GHRL: variants seen among roughly 807,000 people sequenced by gnomAD.
GHRL encodes the protein ghrelin and obestatin prepropeptide.
In GHRL, 24 loss-of-function variants were observed where a neutral mutation model predicts 16.9. The observed-to-expected ratio is 1.42, with a 90% CI of 1.03 to 2.00. The LOEUF (loss-of-function observed/expected upper bound fraction) is 2.00. Ranked by LOEUF, GHRL falls within the 30% of genes most tolerant of loss-of-function variation. GHRL has a pLI of 0.00. For synonymous variants in GHRL, 63 were observed against 58.2 expected, an observed-to-expected ratio of 1.08 and a Z score of -0.37; for missense variants, 193 against 142.1, an observed-to-expected ratio of 1.36 and a Z score of -1.82.
At position 10,290,113 on chromosome 3, in the gene GHRL, G is replaced by A. The variant is rs1576073042; in HGVS notation, c.68C>T (p.Ala23Val). The A allele has an allele frequency of 6.8e-6, 11 of 1,613,148 alleles. No homozygotes were observed. Among genetic ancestry groups the A allele is most frequent in the Non-Finnish European group, 9.3e-6 (11 of 1,179,758 alleles). ...LGMLWLDLAMAGSSFLSPEHQ... is the reference protein window; with the variant it reads ...LGMLWLDLAMVGSSFLSPEHQ... ...TTCAGGGCTCAGGAAGCTGGAGCCT[G>A]CCATGGCCAAGTCCAGCCAGAGCAT... Residue 23 changes from alanine (A) to valine (V), a missense_variant, in exon 3 of 6, where the codon GCA (alanine) becomes GTA (valine). Coordinates refer to ENST00000335542, the MANE Select transcript of GHRL (RefSeq NM_016362.5).
Position 10,290,082 on chromosome 3 carries a change from C to T in GHRL, c.99G>A (p.Gln33=). 1 of 1,612,222 alleles carries T rather than the reference C, an allele frequency of 6.2e-7. No individual in the cohort carries two copies. The highest frequency in any genetic ancestry group is 8.5e-7 in the Non-Finnish European group (1 of 1,179,462). The change falls in exon 3 of 6, where the codon CAG becomes CAA. Residue 33 remains glutamine, a synonymous_variant. Transcript: ENST00000335542. The part of the protein sequence containing the change: ...AGSSFLSPEH[Q]RVQQRKESKK... ...TGTGGGGAGGTCTCACCTGGACTCTCTGGTGTTCAGGGCTCAGGAAGCTGG... is the reference window on the plus strand; with the variant it reads ...TGTGGGGAGGTCTCACCTGGACTCTTTGGTGTTCAGGGCTCAGGAAGCTGG...
In GHRL at chr3:10,289,874, C is replaced by T. The variant is rs909836290; in HGVS notation, c.113G>A (p.Arg38Lys). ...LSPEHQRVQQ[R>K]KESKKPPAKL... is the part of the protein sequence containing the mutation. ...GGCTGGTGGCTTCTTCGACTCCTTT[C>T]TCTGCTGGAAGGGGGAAACAGTCTG... The change falls in exon 4 of 6, where the codon AGA (arginine) becomes AAA (lysine). Residue 38 changes from arginine (R) to lysine (K), a missense_variant. Arg to Lys is a conservative substitution (Grantham distance 26). Coordinates refer to ENST00000335542, the MANE Select transcript of GHRL (RefSeq NM_016362.5). 1 of 1,611,186 alleles carries T rather than the reference C, an allele frequency of 6.2e-7. No homozygotes were observed. The highest frequency in any genetic ancestry group is 1.1e-5 in the South Asian group (1 of 90,886).
intron 2 of GHRL, 147 bp from the exon 3 acceptor site, chr3:10,290,356 C>T (rs1699806925): frequency 1.4e-6 from 1 of 705,650 alleles, no homozygotes; most frequent in Admixed American, 2.9e-5. Context: ...TTCCACCTCC[C>T]AAGGTAGAAG....
rs755548560 is a variant in GHRL, at chr3:10,290,206, G to A, written c.-26C>T. The A allele has an allele frequency of 1.4e-5, 22 of 1,596,716 alleles. No individual in the cohort carries two copies. Among genetic ancestry groups the A allele is most frequent in the East Asian group, 1.1e-4 (5 of 44,344 alleles). ...GGCCTCAGCTGGGTTGCAGACAGGT[G>A]GGCCTGGGGGAGAGAGGGTCTCCAG... On this transcript the variant is annotated 5_prime_UTR_variant, in exon 3 of 6. Coordinates refer to ENST00000335542, the MANE Select transcript of GHRL (RefSeq NM_016362.5).
In GHRL at chr3:10,288,483, CCT is replaced by C. The variant is rs558742741; in HGVS notation, c.225+1277_225+1278del. Among the ~76,000 whole-genome samples the C allele has an allele frequency of 1.3e-3, 196 of 152,364 alleles. 3 individuals are homozygous for C. The highest frequency in any genetic ancestry group is 2.9e-3 in the Admixed American group (44 of 15,308). On this transcript the variant is annotated intron_variant, in intron 4 of 5. Coordinates refer to ENST00000335542, the MANE Select transcript of GHRL (RefSeq NM_016362.5). The stretch of plus-strand genomic sequence containing the variant: ...CACCTTGCGTCGTCAGCCACCAAGA[CCT>C]CTTTCTCATCTGGGTACTGGGCAGC...
chr3:10,286,852 G>T, intron 4 of GHRL, 40 bp from the exon 5 acceptor site: 1 of 1,194,406 alleles, frequency 8.4e-7, no homozygotes, highest in Non-Finnish European at 1.2e-6. Flanking sequence ...GATGTCAGAG[G>T]TCATGCCCAT....
chr3:10,286,783 CT>C lies in GHRL; in HGVS notation c.254del (p.Lys85SerfsTer44). On this transcript the variant is annotated frameshift_variant, in exon 5 of 6. Coordinates refer to ENST00000335542, the MANE Select transcript of GHRL (RefSeq NM_016362.5). LOFTEE classifies it high-confidence loss of function. The part of the protein sequence containing the change: ...RFNAPFDVGI[K>X]LSGVQYQQHS... ...GCTGCTGGTACTGAACCCCTGACAGCTTGATTCCAACATCAAAGGGGGCGTT... is the reference window on the plus strand; with the variant it reads ...GCTGCTGGTACTGAACCCCTGACAGCTGATTCCAACATCAAAGGGGGCGTT... 6.2e-7 allele frequency: 1 copy of C among 1,612,858 alleles called. No homozygotes were observed. The highest frequency in any genetic ancestry group is 1.3e-5 in the African/African-American group (1 of 75,024).
rs535675510 is a variant in GHRL, at chr3:10,291,455, G to C, written c.-765-4C>G. On this transcript the variant is annotated splice_region_variant and splice_polypyrimidine_tract_variant and intron_variant, in intron 1 of 5. Transcript: ENST00000335542. The stretch of plus-strand genomic sequence containing the variant: ...CTGAGAGGGAAGTGCATTGGACCTG[G>C]AGGTGGAAGATCTACGCTTAGCACG... 15 of 985,524 alleles carry C rather than the reference G, an allele frequency of 1.5e-5. No individual in the cohort carries two copies. In the South Asian group the frequency reaches 6.6e-4, roughly 43 times the overall value. 61.0% of individuals were successfully genotyped at this position (985,524 alleles called of 1,614,324 possible).
At chr3:10,290,270 C>G in intron 2 of GHRL, 61 bp from the exon 3 acceptor site, 2 of 1,508,434 alleles carry the variant, frequency 1.3e-6, no homozygotes, top group Non-Finnish European at 1.8e-6. Context: ...TGAGCTTGCT[C>G]AGGTAGGAGC....
At position 10,290,699 on chromosome 3, in the gene GHRL, G is replaced by A. The variant is rs139346116; in HGVS notation, c.-30+17C>T. 1.3e-3 allele frequency: 1,309 copies of A among 1,005,396 alleles called. 17 individuals carry two copies. Among genetic ancestry groups the A allele is most frequent in the Middle Eastern group, 7.5e-3 (15 of 2,004 alleles). The allele number at this position is 1,005,396 out of a possible 1,614,324, so 62.3% of individuals were successfully genotyped here. On this transcript the variant is annotated intron_variant, in intron 2 of 5. Coordinates refer to ENST00000335542, the MANE Select transcript of GHRL (RefSeq NM_016362.5). ...AAACCTGTCAGCAAACGCACACGGAGAGTAGAGAGAGCTTACCTGCAGTTC... is the reference window on the plus strand; with the variant it reads ...AAACCTGTCAGCAAACGCACACGGAAAGTAGAGAGAGCTTACCTGCAGTTC...
rs1364672173 is a variant in GHRL, at chr3:10,290,217, A to G, written c.-29-8T>C. 8.2e-6 allele frequency: 13 copies of G among 1,588,150 alleles called. No individual in the cohort carries two copies. The highest frequency in any genetic ancestry group is 3.7e-5 in the Admixed American group (2 of 54,782). ...GGTTGCAGACAGGTGGGCCTGGGGG[A>G]GAGAGGGTCTCCAGGCAGCTGCCTC... On this transcript the variant is annotated splice_polypyrimidine_tract_variant and splice_region_variant and intron_variant, in intron 2 of 5. Transcript: ENST00000335542.
chr3:10,289,886 G>A lies in GHRL; in HGVS notation c.109-8C>T. ...CTTCGACTCCTTTCTCTGCTGGAAG[G>A]GGGAAACAGTCTGTTTAGGACTCTA... is the stretch of plus-strand genomic sequence containing the variant. On this transcript the variant is annotated splice_polypyrimidine_tract_variant and splice_region_variant and intron_variant, in intron 3 of 5. Transcript: ENST00000335542. 6.2e-7 allele frequency: 1 copy of A among 1,602,706 alleles called. No individual in the cohort carries two copies. The highest frequency in any genetic ancestry group is 8.5e-7 in the Non-Finnish European group (1 of 1,170,716).
chr3:10,287,355 T>C (rs924779557), intron 4 of GHRL: 1 of 152,510 alleles, frequency 6.6e-6, no homozygotes, highest in Non-Finnish European at 1.5e-5. Context: ...GTTGATGTTT[T>C]CCTAGAAAGA....
At position 10,290,777 on chromosome 3, in the gene GHRL, G is replaced by GT. The variant is rs1315895732; in HGVS notation, c.-92dup. 3 of 992,088 alleles carry GT rather than the reference G, an allele frequency of 3.0e-6. No homozygotes were observed. Among genetic ancestry groups the GT allele is most frequent in the Non-Finnish European group, 3.6e-6 (3 of 834,134 alleles). 61.5% of individuals were successfully genotyped at this position (992,088 alleles called of 1,614,324 possible). ...CAGGTCCTTATATAGGATGACTGGCGTTTGTTCTAAACCAGCAACCCCATC... is the reference window on the plus strand; with the variant it reads ...CAGGTCCTTATATAGGATGACTGGCGTTTTGTTCTAAACCAGCAACCCCATC... On this transcript the variant is annotated 5_prime_UTR_variant, in exon 2 of 6. An upstream open reading frame in the 5' UTR loses its in-frame stop. Coordinates refer to ENST00000335542, the MANE Select transcript of GHRL (RefSeq NM_016362.5).
Position 10,285,715 on chromosome 3 carries a change from C to G in GHRL, c.*160G>C. On this transcript the variant is annotated 3_prime_UTR_variant, in exon 6 of 6. Coordinates refer to ENST00000335542, the MANE Select transcript of GHRL (RefSeq NM_016362.5). Reference sequence around the variant, plus strand: ...TTTTAAAGTAAAATATTAACTTTTCCTCTTTGAAATAAATTCCCATTTGGA... The same window carrying G: ...TTTTAAAGTAAAATATTAACTTTTCGTCTTTGAAATAAATTCCCATTTGGA... The G allele has an allele frequency of 1.7e-6, 1 of 583,220 alleles. No homozygotes were observed. 36.1% of individuals were successfully genotyped at this position (583,220 alleles called of 1,614,324 possible). A position where few individuals can be genotyped will look rare whatever the true frequency, so the allele number is the denominator to read the frequency against.
rs566717358 is a variant in GHRL at position 10,290,711 on chromosome 3, C to G, written c.-30+5G>C. 2 of 1,003,878 alleles carry G rather than the reference C, an allele frequency of 2.0e-6. No individual in the cohort carries two copies. Among genetic ancestry groups the G allele is most frequent in the Non-Finnish European group, 2.4e-6 (2 of 841,324 alleles). 62.2% of individuals were successfully genotyped at this position (1,003,878 alleles called of 1,614,324 possible). The stretch of plus-strand genomic sequence containing the variant: ...AAACGCACACGGAGAGTAGAGAGAG[C>G]TTACCTGCAGTTCCTGGCGGAGGTG... On this transcript the variant is annotated splice_donor_5th_base_variant and intron_variant, in intron 2 of 5. Coordinates refer to ENST00000335542, the MANE Select transcript of GHRL (RefSeq NM_016362.5).
chr3:10,286,503 C>G (rs1044816519), intron 5 of GHRL, among the ~76,000 whole-genome samples: 1 of 152,242 alleles, frequency 6.6e-6, no homozygotes, highest in African/African-American at 2.4e-5. Flanking sequence ...TTAGAACATT[C>G]TTTGAACACA....
At chr3:10,290,286 A>G (rs1367324697) in intron 2 of GHRL, 77 bp from the exon 3 acceptor site, 2 of 1,428,702 alleles carry the variant, frequency 1.4e-6, no homozygotes, top group Admixed American at 4.2e-5. Flanking sequence ...GGAGCCCAGC[A>G]GATGGCGTGA....
intron 2 of GHRL, 164 bp from the exon 3 acceptor site, chr3:10,290,373 G>A (rs1415942492): frequency 1.5e-6 from 1 of 648,806 alleles, no homozygotes. Flanking sequence ...GAAGATGATG[G>A]ATGTGTGTTC....
Sources: gnomAD v4.1 joint callset for allele counts (sites outside exome capture counted in the v4.1 genomes callset) on GRCh38, gnomAD v4.1.1 for gene constraint, MANE v1.5 for transcripts, NCBI Gene and HGNC (gene_info 2026-07-23, HGNC 2026-07-21) for gene names.